QTGAL: variants seen among roughly 807,000 people sequenced by gnomAD.
QTGAL encodes the protein queuosine-tRNA galactosyltransferase.
At chr17:82,964,030 G>GA in the QTGAL span, among the ~76,000 whole-genome samples, 1 of 134,612 alleles carries the variant, frequency 7.4e-6, no homozygotes, top group African/African-American at 2.9e-5. Flanking sequence ...GCTGAGGTCG[G>GA]GGGGGTGGAT....
At chr17:82,962,691 C>CA in the QTGAL span, among the ~76,000 whole-genome samples, 1 of 152,138 alleles carries the variant, frequency 6.6e-6, no homozygotes, top group Non-Finnish European at 1.5e-5. Context: ...CTTTAATTTT[C>CA]TGTGTCTTCA....
the QTGAL span, among the ~76,000 whole-genome samples, chr17:82,974,436 C>T: frequency 2.6e-5 from 4 of 152,186 alleles, no homozygotes; most frequent in Admixed American, 2.0e-4. Context: ...AGGAGCTGCC[C>T]GCAAAGCAGC....
chr17:83,013,550 G>A, the QTGAL span, among the ~76,000 whole-genome samples: 1 of 150,148 alleles, frequency 6.7e-6, no homozygotes, highest in Middle Eastern at 3.4e-3. Context: ...ACTGTCACGA[G>A]CACCCACTCT....
chr17:82,947,130 G>A, the QTGAL span: 2 of 641,592 alleles, frequency 3.1e-6, no homozygotes, highest in East Asian at 3.0e-5. Context: ...AGGCTGGAAG[G>A]AGACAAAGGC....
At chr17:82,999,112 C>G in the QTGAL span, among the ~76,000 whole-genome samples, 2 of 152,206 alleles carry the variant, frequency 1.3e-5, no homozygotes, top group African/African-American at 2.4e-5. Flanking sequence ...ACCATATGAA[C>G]CAGCCCTTCC....
At chr17:83,040,845 C>T in the QTGAL span, among the ~76,000 whole-genome samples, 1 of 152,066 alleles carries the variant, frequency 6.6e-6, no homozygotes, top group Non-Finnish European at 1.5e-5. Flanking sequence ...GCAGGCGGAT[C>T]ACAAGGTCAG....
the QTGAL span, among the ~76,000 whole-genome samples, chr17:83,032,388 CGGGAG>C: frequency 4.1e-5 from 5 of 122,316 alleles, no homozygotes; most frequent in African/African-American, 1.7e-4. Flanking sequence ...AGACCGAGCT[CGGGAG>C]CTGAACAACC....
chr17:82,955,701 A>G, the QTGAL span, among the ~76,000 whole-genome samples: 12 of 152,348 alleles, frequency 7.9e-5, no homozygotes, highest in Admixed American at 7.8e-4. Context: ...ATGCACGCAT[A>G]TGTTTACTGC....
At chr17:82,945,695 T>C in the QTGAL span, 8 of 152,132 alleles carry the variant, frequency 5.3e-5, no homozygotes, top group Non-Finnish European at 8.8e-5. Flanking sequence ...TATTGCAGGG[T>C]GTTCAGCAAC....
At chr17:82,952,122 A>G in the QTGAL span, among the ~76,000 whole-genome samples, 7 of 152,244 alleles carry the variant, frequency 4.6e-5, no homozygotes, top group Non-Finnish European at 1.0e-4. Flanking sequence ...AGCTGTGCCC[A>G]AGAGGCTCTG....
the QTGAL span, among the ~76,000 whole-genome samples, chr17:82,960,865 C>T: frequency 6.6e-6 from 1 of 152,258 alleles, no homozygotes; most frequent in Non-Finnish European, 1.5e-5. Context: ...TTGGGAAATG[C>T]CCCTTCGTGG....
At chr17:82,952,419 C>T in the QTGAL span, among the ~76,000 whole-genome samples, 168 of 152,200 alleles carry the variant, frequency 1.1e-3, 1 homozygote, top group Admixed American at 5.0e-3. Context: ...ATCCTAGTCT[C>T]TGATAAAACA....
chr17:82,970,533 C>A, the QTGAL span, among the ~76,000 whole-genome samples: 15,860 of 108,284 alleles, frequency 0.15, 1,761 homozygotes, highest in African/African-American at 0.31. Flanking sequence ...CCCAGCGTGG[C>A]CGCGACCTCC....
At chr17:82,969,465 T>C in the QTGAL span, among the ~76,000 whole-genome samples, 1 of 151,526 alleles carries the variant, frequency 6.6e-6, no homozygotes, top group Non-Finnish European at 1.5e-5. Flanking sequence ...TGCCTCGGCC[T>C]CCCAAAGTGC....
chr17:83,032,323 G>A, the QTGAL span, among the ~76,000 whole-genome samples: 1 of 115,146 alleles, frequency 8.7e-6, no homozygotes, highest in Non-Finnish European at 1.7e-5. Flanking sequence ...GGCCTCTGAC[G>A]CAGACCGAAC....
At chr17:82,945,189 A>G in the QTGAL span, 2 of 152,266 alleles carry the variant, frequency 1.3e-5, no homozygotes, top group African/African-American at 4.8e-5. Flanking sequence ...CTCAATGGAT[A>G]GCTTAGACAC....
the QTGAL span, chr17:82,942,713 C>T: frequency 1.7e-6 from 1 of 594,778 alleles, no homozygotes; most frequent in South Asian, 2.0e-5. Flanking sequence ...AAGTTCCTGC[C>T]TTTTGTCTCT....
chr17:82,977,845 T>A, the QTGAL span, among the ~76,000 whole-genome samples: 2 of 152,170 alleles, frequency 1.3e-5, no homozygotes, highest in Non-Finnish European at 2.9e-5. Flanking sequence ...CACACGAGCA[T>A]GGAAACGTAC....
the QTGAL span, chr17:82,948,205 C>T: frequency 6.6e-6 from 1 of 152,174 alleles, no homozygotes. Flanking sequence ...GGTTGTTGGT[C>T]AGACTCACAC....
Sources: gnomAD v4.1 joint callset for allele counts (sites outside exome capture counted in the v4.1 genomes callset) on GRCh38, gnomAD v4.1.1 for gene constraint, MANE v1.5 for transcripts, NCBI Gene and HGNC (gene_info 2026-07-23, HGNC 2026-07-21) for gene names.